The following RANBP17 variants were observed in gnomAD, a reference collection of about 807,000 sequenced individuals.
RANBP17 encodes ran-binding protein 17.
RANBP17 carries 158 observed loss-of-function variants against 141.2 expected under a neutral mutation model. The observed-to-expected ratio is 1.12, with a 90% CI of 0.98 to 1.28. RANBP17 has a LOEUF of 1.28. Ranked by LOEUF, RANBP17 falls within the 50% of genes most tolerant of loss-of-function variation. The pLI, the probability that RANBP17 is intolerant of heterozygous loss-of-function variation, is 0.00. For synonymous variants in RANBP17, 430 were observed against 450.0 expected (o/e 0.96, Z 0.56); for missense variants, 1,438 against 1,290.7 (o/e 1.11, Z -1.75).
chr5:171,278,071 T>C (rs1305855676), intron 25 of RANBP17, among the ~76,000 whole-genome samples: 1 of 150,888 alleles, frequency 6.6e-6, no homozygotes, highest in African/African-American at 2.4e-5. Context: ...TAACAGATGC[T>C]GGTTGCCAGG....
At chr5:171,234,052 T>TAA (rs755497554) in intron 22 of RANBP17, among the ~76,000 whole-genome samples, 11 of 138,306 alleles carry the variant, frequency 8.0e-5, no homozygotes, top group African/African-American at 2.2e-4. Flanking sequence ...CTCCTTATTG[T>TAA]AAAAAAAAAA....
intron 24 of RANBP17, among the ~76,000 whole-genome samples, chr5:171,256,313 G>A (rs1765890197): frequency 6.6e-6 from 1 of 152,200 alleles, no homozygotes; most frequent in African/African-American, 2.4e-5. Context: ...CAGGGTTGTT[G>A]TGGGGATTAA....
At chr5:171,086,461 A>G (rs896737297) in intron 14 of RANBP17, among the ~76,000 whole-genome samples, 37 of 146,612 alleles carry the variant, frequency 2.5e-4, no homozygotes, top group African/African-American at 7.9e-4. Flanking sequence ...TTGGTATCAG[A>G]ATGATGCTGG....
At position 171,199,767 on chromosome 5, in the gene RANBP17, T is replaced by G. The variant is rs773324091; in HGVS notation, c.2136T>G (p.Asp712Glu). The G allele has an allele frequency of 1.3e-6, 2 of 1,586,000 alleles. No homozygotes were observed. The highest frequency in any genetic ancestry group is 1.7e-6 in the Non-Finnish European group (2 of 1,158,534). ...QIFNNNFKQE[D>E]VKRMLIGLAR... ...TCAACAACAACTTTAAACAAGAAGA[T>G]GTAAAGGTGGGTTTGTTTCCAAATA... is the stretch of plus-strand genomic sequence containing the variant. The change falls in exon 19 of 28, where the codon GAT (aspartate) becomes GAG (glutamate). Residue 712 changes from aspartate to glutamate, a missense_variant. Asp to Glu is a conservative substitution (Grantham distance 45, BLOSUM62 2). Coordinates refer to ENST00000523189, the MANE Select transcript of RANBP17 (RefSeq NM_022897.5).
At chr5:170,958,907 T>A (rs1170187342) in intron 13 of RANBP17, among the ~76,000 whole-genome samples, 1 of 152,248 alleles carries the variant, frequency 6.6e-6, no homozygotes, top group African/African-American at 2.4e-5. Context: ...GAAAACCTCT[T>A]GAGAGATTCT....
intron 14 of RANBP17, among the ~76,000 whole-genome samples, chr5:171,145,215 C>G (rs1023253168): frequency 2.0e-5 from 3 of 152,128 alleles, no homozygotes; most frequent in Non-Finnish European, 4.4e-5. Flanking sequence ...ACCTAAAGCT[C>G]TCTTTCTCAT....
At chr5:170,885,207 C>T (rs926328193) in intron 3 of RANBP17, among the ~76,000 whole-genome samples, 32 of 151,966 alleles carry the variant, frequency 2.1e-4, no homozygotes, top group Non-Finnish European at 4.0e-4. Context: ...GACTTTTACT[C>T]GAAGAACAGC....
chr5:171,138,947 T>G (rs1392881011), intron 14 of RANBP17, among the ~76,000 whole-genome samples: 1 of 152,108 alleles, frequency 6.6e-6, no homozygotes, highest in African/African-American at 2.4e-5. Context: ...AATGGTGGCA[T>G]GCACCTGTAG....
At chr5:171,163,236 A>G (rs1759469420) in intron 14 of RANBP17, among the ~76,000 whole-genome samples, 1 of 152,220 alleles carries the variant, frequency 6.6e-6, no homozygotes, top group Non-Finnish European at 1.5e-5. Context: ...AAAATTAGTC[A>G]CCCAGGATTA....
chr5:171,001,511 T>A (rs1307158740), intron 14 of RANBP17, among the ~76,000 whole-genome samples: 1 of 152,122 alleles, frequency 6.6e-6, no homozygotes, highest in Non-Finnish European at 1.5e-5. Flanking sequence ...GGAATGAGAC[T>A]GGAGCCTAAT....
At chr5:171,037,669 A>G (rs1393203194) in intron 14 of RANBP17, among the ~76,000 whole-genome samples, 1 of 152,162 alleles carries the variant, frequency 6.6e-6, no homozygotes, top group African/African-American at 2.4e-5. Context: ...CACTTATTCA[A>G]TAGGAAGTCC....
chr5:171,193,070 T>C (rs1171547543), intron 18 of RANBP17, among the ~76,000 whole-genome samples: 1 of 152,346 alleles, frequency 6.6e-6, no homozygotes, highest in South Asian at 2.1e-4. Context: ...TCTTCTGAGA[T>C]TGCCCATTGT....
intron 24 of RANBP17, among the ~76,000 whole-genome samples, chr5:171,251,652 C>T (rs1561801722): frequency 6.6e-6 from 1 of 152,106 alleles, no homozygotes; most frequent in Admixed American, 6.5e-5. Context: ...GGCTTGAGCG[C>T]CGGTGGCGAC....
chr5:171,025,307 A>G (rs185112672), intron 14 of RANBP17, among the ~76,000 whole-genome samples: 33 of 152,302 alleles, frequency 2.2e-4, no homozygotes, highest in African/African-American at 7.0e-4. Context: ...AGTCTTTTCC[A>G]TGGTTTATAG....
chr5:171,085,168 G>T (rs1785553043), intron 14 of RANBP17, among the ~76,000 whole-genome samples: 1 of 131,758 alleles, frequency 7.6e-6, no homozygotes, highest in Non-Finnish European at 1.6e-5. Flanking sequence ...TCCAGTTTCA[G>T]CTTCCTACAT....
chr5:170,892,462 T>C lies in RANBP17; in HGVS notation c.332T>C (p.Ile111Thr), dbSNP rs966550255. Residue 111 changes from isoleucine (I) to threonine (T), a missense_variant, in exon 4 of 28, where the codon ATT (isoleucine) becomes ACT (threonine). Coordinates refer to ENST00000523189, the MANE Select transcript of RANBP17 (RefSeq NM_022897.5). ...PFVIQALIQV[I>T]AKITKLGWFE... Reference sequence around the variant, plus strand: ...GTCATCCAAGCTCTTATTCAAGTCATTGCTAAAATCACTAAGTTGGGGTGG... The same window carrying C: ...GTCATCCAAGCTCTTATTCAAGTCACTGCTAAAATCACTAAGTTGGGGTGG... 1 of 1,614,108 alleles carries C rather than the reference T, an allele frequency of 6.2e-7. No homozygotes were observed.
intron 14 of RANBP17, among the ~76,000 whole-genome samples, chr5:171,117,493 CT>C (rs1561671862): frequency 6.6e-6 from 1 of 151,902 alleles, no homozygotes; most frequent in Admixed American, 6.6e-5. Flanking sequence ...TGCTCATTTT[CT>C]TTTTTTATTA....
chr5:170,903,120 C>T (rs1181172888), intron 5 of RANBP17, among the ~76,000 whole-genome samples: 1 of 152,192 alleles, frequency 6.6e-6, no homozygotes, highest in Non-Finnish European at 1.5e-5. Flanking sequence ...CCCCCAGGTG[C>T]TCTGTTCCAG....
intron 14 of RANBP17, among the ~76,000 whole-genome samples, chr5:171,030,649 GTAATT>G (rs1781498326): frequency 6.6e-6 from 1 of 151,858 alleles, no homozygotes; most frequent in African/African-American, 2.4e-5. Flanking sequence ...AATATATAAA[GTAATT>G]TAAATATTTA....
Sources: gnomAD v4.1 joint callset for allele counts (sites outside exome capture counted in the v4.1 genomes callset) on GRCh38, gnomAD v4.1.1 for gene constraint, MANE v1.5 for transcripts, NCBI Gene and HGNC (gene_info 2026-07-23, HGNC 2026-07-21) for gene names.